The following NLGN1 variants were observed in gnomAD, a reference collection of about 807,000 sequenced individuals.
The protein encoded by NLGN1 is neuroligin 1.
In NLGN1, 12 loss-of-function variants were observed where a neutral mutation model predicts 65.5. That is an observed-to-expected ratio of 0.18 (90% CI 0.12 to 0.30). NLGN1 has a LOEUF of 0.30. Among genes scored for constraint, NLGN1 ranks in the 10% least tolerant of loss-of-function variants. The pLI is 1.00. For missense variants in NLGN1, 750 were observed against 1,007.1 expected (o/e 0.74, Z 3.46); for synonymous variants, 350 against 359.5 (o/e 0.97, Z 0.30).
intron 3 of NLGN1, among the ~76,000 whole-genome samples, chr3:173,738,740 A>G (rs550226173): frequency 2.6e-4 from 39 of 152,030 alleles, no homozygotes; most frequent in Non-Finnish European, 5.1e-4. Context: ...GAATGTCCAT[A>G]TGAATTTTAG....
intron 4 of NLGN1, among the ~76,000 whole-genome samples, chr3:174,044,979 G>A (rs1018465227): frequency 6.6e-6 from 1 of 152,016 alleles, no homozygotes; most frequent in Admixed American, 6.6e-5. Context: ...GTTTCCTGAG[G>A]CCTCCCCAGC....
chr3:173,636,208 C>A (rs1756561617), intron 3 of NLGN1, among the ~76,000 whole-genome samples: 1 of 152,078 alleles, frequency 6.6e-6, no homozygotes, highest in South Asian at 2.1e-4. Flanking sequence ...TGTCATTCCT[C>A]CTACCCCACC....
chr3:173,551,837 C>A (rs138955422), intron 2 of NLGN1, among the ~76,000 whole-genome samples: 1 of 152,314 alleles, frequency 6.6e-6, no homozygotes, highest in Non-Finnish European at 1.5e-5. Context: ...ATTGTACCTA[C>A]TTCTTCAGAA....
chr3:173,686,945 T>C (rs1159978456), intron 3 of NLGN1, among the ~76,000 whole-genome samples: 1 of 151,318 alleles, frequency 6.6e-6, no homozygotes, highest in Non-Finnish European at 1.5e-5. Flanking sequence ...AGAGCAAGAC[T>C]CCGTCCCAAA....
intron 3 of NLGN1, among the ~76,000 whole-genome samples, chr3:173,681,467 C>T (rs1431028488): frequency 2.0e-5 from 3 of 152,118 alleles, no homozygotes; most frequent in Admixed American, 2.0e-4. Context: ...ATTTTTGTGA[C>T]AGTCAGTCCT....
chr3:173,768,658 T>C (rs1779128589), intron 3 of NLGN1, among the ~76,000 whole-genome samples: 2 of 152,202 alleles, frequency 1.3e-5, no homozygotes, highest in African/African-American at 4.8e-5. Context: ...ATGTTTTAAT[T>C]AATTTTCTTT....
intron 4 of NLGN1, among the ~76,000 whole-genome samples, chr3:173,911,327 C>T (rs993069616): frequency 2.6e-5 from 4 of 152,140 alleles, no homozygotes; most frequent in Admixed American, 6.5e-5. Flanking sequence ...AATAAATCTA[C>T]GTTAACCTTG....
At chr3:173,628,913 C>T (rs1037452695) in intron 3 of NLGN1, among the ~76,000 whole-genome samples, 1 of 151,454 alleles carries the variant, frequency 6.6e-6, no homozygotes. Context: ...AGGCTGGTCT[C>T]GAACTCCTGA....
intron 4 of NLGN1, among the ~76,000 whole-genome samples, chr3:173,968,687 C>CTTTTTTTTTTTTTTTT (rs34662762): frequency 3.4e-5 from 2 of 59,474 alleles, no homozygotes; most frequent in African/African-American, 1.5e-4. Context: ...TGAAAATAAT[C>CTTTTTTTTTTTTTTTT]TTTTTTTTTT....
intron 3 of NLGN1, among the ~76,000 whole-genome samples, chr3:173,785,411 G>A (rs1781795257): frequency 1.3e-5 from 2 of 151,870 alleles, no homozygotes; most frequent in South Asian, 4.2e-4. Flanking sequence ...CTGCAGGTTG[G>A]GTTCGTTGTT....
intron 3 of NLGN1, among the ~76,000 whole-genome samples, chr3:173,747,102 G>A (rs565255958): frequency 5.4e-5 from 8 of 147,180 alleles, no homozygotes; most frequent in Admixed American, 1.3e-4. Flanking sequence ...AAACACACAC[G>A]TGTGTATACC....
Position 173,496,221 on chromosome 3 carries a change from G to A in NLGN1, c.-321+61143G>A, listed in dbSNP as rs73038200. 8.3e-3 allele frequency among the ~76,000 whole-genome samples: 1,263 copies of A among 151,776 alleles called. 55 individuals are homozygous for A. Among genetic ancestry groups the A allele is most frequent in the African/African-American group, 0.03 (1,220 of 41,190 alleles). ...ATTCATTTAGTCAGTCCTTTATTGA[G>A]TGTCTGTGTTGTGGCTGCCATCATG... On this transcript the variant is annotated intron_variant, in intron 2 of 6. Transcript: ENST00000457714.
At chr3:173,926,198 A>G (rs950936837) in intron 4 of NLGN1, among the ~76,000 whole-genome samples, 6 of 152,034 alleles carry the variant, frequency 3.9e-5, no homozygotes, top group Non-Finnish European at 5.9e-5. Flanking sequence ...GGACAAAGAT[A>G]ACTGTATCAA....
chr3:173,677,016 A>G (rs1051766791), intron 3 of NLGN1, among the ~76,000 whole-genome samples: 3 of 152,170 alleles, frequency 2.0e-5, no homozygotes, highest in African/African-American at 7.2e-5. Context: ...TAGAGCATGT[A>G]TAAATTCCCA....
At chr3:174,149,437 A>G (rs1266420472) in intron 4 of NLGN1, among the ~76,000 whole-genome samples, 1 of 152,082 alleles carries the variant, frequency 6.6e-6, no homozygotes, top group African/African-American at 2.4e-5. Context: ...AAGCTTTAAT[A>G]TTTCTCTGCT....
intron 4 of NLGN1, among the ~76,000 whole-genome samples, chr3:174,273,253 C>T (rs1659689693): frequency 1.3e-5 from 2 of 151,462 alleles, no homozygotes; most frequent in South Asian, 4.2e-4. Context: ...TTTGCACCAA[C>T]CTCATAACAA....
intron 3 of NLGN1, among the ~76,000 whole-genome samples, chr3:173,651,527 G>T (rs753365604): frequency 5.9e-5 from 9 of 152,006 alleles, no homozygotes; most frequent in Non-Finnish European, 1.2e-4. Context: ...ATTTCTTTGA[G>T]AAGTCTTCAT....
intron 4 of NLGN1, among the ~76,000 whole-genome samples, chr3:173,936,065 G>C (rs573599975): frequency 1.3e-5 from 2 of 151,354 alleles, no homozygotes; most frequent in African/African-American, 4.8e-5. Context: ...GTTGTGCAAA[G>C]TTGTCATTCT....
intron 3 of NLGN1, among the ~76,000 whole-genome samples, chr3:173,677,408 G>T (rs1215030948): frequency 4.0e-5 from 6 of 151,840 alleles, no homozygotes; most frequent in African/African-American, 1.5e-4. Flanking sequence ...TCATTCCTTT[G>T]TCTGCTTCCA....
Sources: allele counts gnomAD v4.1 joint callset (sites outside exome capture counted in the v4.1 genomes callset), GRCh38; gene constraint gnomAD v4.1.1; transcripts MANE v1.5; gene names NCBI Gene and HGNC (gene_info 2026-07-23, HGNC 2026-07-21).